Variants in RIPOR3 observed in about 807,000 individuals in gnomAD.
RIPOR3 encodes the protein RIPOR family member 3.
A neutral mutation model predicts 114.3 loss-of-function variants in RIPOR3; 95 were observed. The ratio of observed to expected loss-of-function variants is 0.83; its 90% CI spans 0.70 to 0.99. The LOEUF (loss-of-function observed/expected upper bound fraction) is 0.99. Ranked by LOEUF, RIPOR3 falls within the 50% of genes least tolerant of loss-of-function variation. The pLI, the probability that RIPOR3 is intolerant of heterozygous loss-of-function variation, is 0.00. For missense variants in RIPOR3, 1,252 were observed against 1,266.9 expected, an observed-to-expected ratio of 0.99 and a Z score of 0.18; for synonymous variants, 575 against 543.8, an observed-to-expected ratio of 1.06 and a Z score of -0.80.
chr20:50,666,183 A>ATTTCTTTTTTCTTTTCTTTTCTTTTCT lies in RIPOR3; in HGVS notation c.3+24942_3+24943insAGAAAAGAAAAGAAAAGAAAAAAGAAA, dbSNP rs534286175. ...CCTAGAATACAGAGAAAGGACACCCATTTCTTTTCTTTTCTTTTCTTTTCT... is the reference window on the plus strand; with the variant it reads ...CCTAGAATACAGAGAAAGGACACCCATTTCTTTTTTCTTTTCTTTTCTTTTCTTTTCTTTTCTTTTCTTTTCTTTTCT... On this transcript the variant is annotated intron_variant, in intron 1 of 21. Transcript: ENST00000327979. Among the ~76,000 whole-genome samples, 67 of 43,764 alleles carry ATTTCTTTTTTCTTTTCTTTTCTTTTCT rather than the reference A, an allele frequency of 1.5e-3. 10 individuals carry two copies. Among genetic ancestry groups the ATTTCTTTTTTCTTTTCTTTTCTTTTCT allele is most frequent in the East Asian group, 4.5e-3 (4 of 890 alleles). 28.7% of individuals were successfully genotyped at this position (43,764 alleles called of 152,430 possible). A position where few individuals can be genotyped will look rare whatever the true frequency, so the allele number is the denominator to read the frequency against.
chr20:50,674,938 T>C (rs537590495), intron 1 of RIPOR3, among the ~76,000 whole-genome samples: 3 of 151,850 alleles, frequency 2.0e-5, no homozygotes, highest in Non-Finnish European at 2.9e-5. Flanking sequence ...AAATAAATAA[T>C]AAATAAAATT....
intron 1 of RIPOR3, among the ~76,000 whole-genome samples, chr20:50,644,312 C>CAT (rs11474057): frequency 0.34 from 51,661 of 151,664 alleles, 9,842 homozygotes; most frequent in African/African-American, 0.52. Context: ...ACACTAAAAA[C>CAT]AGTATTTTAT....
chr20:50,593,244 C>A (rs377395560), intron 17 of RIPOR3, 48 bp from the exon 18 acceptor site: 1 of 1,583,866 alleles, frequency 6.3e-7, no homozygotes, highest in Non-Finnish European at 8.6e-7. Context: ...CCTCGACCCT[C>A]CACGCTTCTC....
chr20:50,656,842 C>T (rs896738762), intron 1 of RIPOR3, among the ~76,000 whole-genome samples: 2 of 152,130 alleles, frequency 1.3e-5, no homozygotes, highest in Non-Finnish European at 2.9e-5. Flanking sequence ...CCATTGGGGG[C>T]CCATCCCTAC....
intron 1 of RIPOR3, among the ~76,000 whole-genome samples, chr20:50,669,483 G>A (rs1189392887): frequency 6.6e-6 from 1 of 152,168 alleles, no homozygotes; most frequent in Non-Finnish European, 1.5e-5. Flanking sequence ...GAAAATATTT[G>A]AATTTGTACA....
At position 50,691,192 on chromosome 20, in the gene RIPOR3, A is replaced by G. The variant is rs913090414; in HGVS notation, c.-64T>C. Reference sequence around the variant, plus strand: ...TCCTTGCAGCTGCCTCACTTTCCCTATTGCCGCCAGCAAGCGTCTGCTCCC... The same window carrying G: ...TCCTTGCAGCTGCCTCACTTTCCCTGTTGCCGCCAGCAAGCGTCTGCTCCC... On this transcript the variant is annotated 5_prime_UTR_variant, in exon 1 of 22. The change abolishes the stop of an existing upstream ORF in the 5' untranslated region. Coordinates refer to ENST00000327979, the MANE Select transcript of RIPOR3 (RefSeq NM_001290268.2). The G allele has an allele frequency of 3.1e-6, 4 of 1,288,924 alleles. No individual in the cohort carries two copies. The African/African-American group carries it at 4.6e-5, about 15-fold the overall frequency. 79.8% of individuals were successfully genotyped at this position (1,288,924 alleles called of 1,614,324 possible). A position where few individuals can be genotyped will look rare whatever the true frequency, so the allele number is the denominator to read the frequency against.
chr20:50,593,154 A>T lies in RIPOR3; in HGVS notation c.2255T>A (p.Leu752Gln). The T allele has an allele frequency of 6.2e-7, 1 of 1,613,680 alleles. No homozygotes were observed. The change falls in exon 18 of 22, where the codon CTG becomes CAG. Residue 752 changes from leucine (L) to glutamine (Q), a missense_variant. Transcript: ENST00000327979. ...TTCTGGGAGCCCAGCTCCGGGGAGCAGCCCACCACAGCTGACCACCTGCTC... is the reference window on the plus strand; with the variant it reads ...TTCTGGGAGCCCAGCTCCGGGGAGCTGCCCACCACAGCTGACCACCTGCTC... ...LLEQVVSCGG[L>Q]LPGAGLPEEQ... is the part of the protein sequence containing the mutation.
In RIPOR3 at chr20:50,689,169, CTTCTT is replaced by C. The variant is rs1568977444; in HGVS notation, c.3+1952_3+1956del. Among the ~76,000 whole-genome samples the C allele has an allele frequency of 2.4e-4, 30 of 126,196 alleles. No individual in the cohort carries two copies. In the Admixed American group the frequency reaches 2.8e-3, roughly 12 times the overall value. The allele number at this position is 126,196 out of a possible 152,430, so 82.8% of individuals were successfully genotyped here. On this transcript the variant is annotated intron_variant, in intron 1 of 21. Coordinates refer to ENST00000327979, the MANE Select transcript of RIPOR3 (RefSeq NM_001290268.2). ...GTGGGGAGATTTACTCCTCTCCAAA[CTTCTT>C]TTTTTTTTTTTTTTTTTTTTGAGAC... is the stretch of plus-strand genomic sequence containing the variant.
chr20:50,642,232 G>C (rs2085224424), intron 1 of RIPOR3, among the ~76,000 whole-genome samples: 1 of 151,734 alleles, frequency 6.6e-6, no homozygotes, highest in Admixed American at 6.6e-5. Context: ...CCTTTGTCCA[G>C]TTATCTGCCT....
intron 1 of RIPOR3, among the ~76,000 whole-genome samples, chr20:50,644,588 A>G (rs961812034): frequency 4.0e-5 from 6 of 150,176 alleles, no homozygotes; most frequent in African/African-American, 1.2e-4. Context: ...GGCTCAAGCA[A>G]TCCTCCCACC....
chr20:50,604,587 C>T (rs897904821), intron 12 of RIPOR3, 58 bp downstream of exon 12: 8 of 1,530,280 alleles, frequency 5.2e-6, no homozygotes, highest in Admixed American at 2.2e-5. Flanking sequence ...CCAGCTCCTG[C>T]GTGCTGCCCC....
chr20:50,630,650 G>A, intron 2 of RIPOR3, 88 bp downstream of exon 2: 12 of 1,149,606 alleles, frequency 1.0e-5, no homozygotes, highest in Non-Finnish European at 1.5e-5. Context: ...CGGGTCTCTG[G>A]CAGCAGGAGG....
At position 50,608,666 on chromosome 20, in the gene RIPOR3, C is replaced by T; in HGVS notation, c.757G>A (p.Asp253Asn). Residue 253 changes from aspartate (D) to asparagine (N), a missense_variant, in exon 10 of 22, where the codon GAC becomes AAC. Coordinates refer to ENST00000327979, the MANE Select transcript of RIPOR3 (RefSeq NM_001290268.2). ...GGGATGAAGGCCTTCTCCTCTTCGT[C>T]CCAGGTCTGGCTGTCATCTGACTCG... Reference protein sequence around the residue: ...RIESDDSQTWDEEEKAFIPTL... With the variant: ...RIESDDSQTWNEEEKAFIPTL... 1 of 1,614,068 alleles carries T rather than the reference C, an allele frequency of 6.2e-7. No homozygotes were observed. The highest frequency in any genetic ancestry group is 8.5e-7 in the Non-Finnish European group (1 of 1,179,924).
At chr20:50,679,224 TATA>T (rs2086781287) in intron 1 of RIPOR3, among the ~76,000 whole-genome samples, 1 of 142,948 alleles carries the variant, frequency 7.0e-6, no homozygotes, top group Admixed American at 7.2e-5. Flanking sequence ...AAAATATATA[TATA>T]ATATTTAAAA....
intron 1 of RIPOR3, among the ~76,000 whole-genome samples, chr20:50,661,370 C>G (rs2085990937): frequency 6.6e-6 from 1 of 152,160 alleles, no homozygotes; most frequent in South Asian, 2.1e-4. Context: ...CCACCACACC[C>G]AGCCTAACAT....
intron 19 of RIPOR3, among the ~76,000 whole-genome samples, chr20:50,590,469 G>T (rs1257970740): frequency 6.6e-6 from 1 of 152,224 alleles, no homozygotes; most frequent in Non-Finnish European, 1.5e-5. Context: ...GCGATGGAGG[G>T]GCCCAGGTGT....
Position 50,595,354 on chromosome 20 carries a change from C to G in RIPOR3, c.2050+15G>C, listed in dbSNP as rs1377298384. ...GCTCACATAGGCAGCCCCTGGGTGG[C>G]AGGCAGCTACTTACTCTCTTCAATG... On this transcript the variant is annotated intron_variant, in intron 16 of 21. Transcript: ENST00000327979. 1 of 1,608,946 alleles carries G rather than the reference C, an allele frequency of 6.2e-7. No individual in the cohort carries two copies. The highest frequency in any genetic ancestry group is 1.3e-5 in the African/African-American group (1 of 74,856).
rs565097878 is a variant in RIPOR3 at position 50,642,597 on chromosome 20, C to T, written c.4-11741G>A. ...CCCAGGGTATGTCTCCATCTCCCCC[C>T]TCCCCCCATGAGGCCTTAGTCAAGA... is the stretch of plus-strand genomic sequence containing the variant. On this transcript the variant is annotated intron_variant, in intron 1 of 21. Coordinates refer to ENST00000327979, the MANE Select transcript of RIPOR3 (RefSeq NM_001290268.2). 4.6e-5 allele frequency among the ~76,000 whole-genome samples: 7 copies of T among 151,338 alleles called. No individual in the cohort carries two copies. In the South Asian group the frequency reaches 1.5e-3, roughly 32 times the overall value.
At chr20:50,651,581 C>T (rs115968803) in intron 1 of RIPOR3, among the ~76,000 whole-genome samples, 2,770 of 152,272 alleles carry the variant, frequency 0.018, 97 homozygotes, top group African/African-American at 0.063. Flanking sequence ...TCAGATGGAA[C>T]GGTGTTCGAA....
Sources: allele counts gnomAD v4.1 joint callset (sites outside exome capture counted in the v4.1 genomes callset), GRCh38; gene constraint gnomAD v4.1.1; transcripts MANE v1.5; gene names NCBI Gene and HGNC (gene_info 2026-07-23, HGNC 2026-07-21).